MBD5: variants seen among roughly 807,000 people sequenced by gnomAD.
MBD5 encodes the protein methyl-CpG binding domain protein 5, also known as methyl-CpG-binding domain protein 5.
Under a neutral mutation model 117.3 loss-of-function variants are expected in MBD5, and 13 were observed. The ratio of observed to expected loss-of-function variants is 0.11; its 90% CI spans 0.07 to 0.18. MBD5 has a LOEUF of 0.18. MBD5 is among the 10% of genes least tolerant of loss of function. The pLI is 1.00. For missense variants in MBD5, 1,879 were observed against 2,093.8 expected (o/e 0.90, Z 2.00); for synonymous variants, 727 against 766.4 (o/e 0.95, Z 0.85).
chr2:148,152,568 G>A (rs1697711520), intron 1 of MBD5, among the ~76,000 whole-genome samples: 1 of 152,012 alleles, frequency 6.6e-6, no homozygotes, highest in South Asian at 2.1e-4. Flanking sequence ...TAATGTGTGG[G>A]AGTCTAAGTC....
chr2:148,090,058 C>T (rs1404284025), intron 1 of MBD5, among the ~76,000 whole-genome samples: 3 of 151,940 alleles, frequency 2.0e-5, no homozygotes, highest in Non-Finnish European at 4.4e-5. Flanking sequence ...CTATGAACAC[C>T]TTTACACGCA....
chr2:148,394,176 C>T (rs1477649402), intron 4 of MBD5, among the ~76,000 whole-genome samples: 1 of 152,050 alleles, frequency 6.6e-6, no homozygotes, highest in Non-Finnish European at 1.5e-5. Flanking sequence ...GTATTATTTT[C>T]ACCTTATGTT....
rs1559033197 is a variant in MBD5 at position 148,345,478 on chromosome 2, CATATACATATGTATATACACAT to C, written c.-557+3144_-557+3165del. 5.2e-4 allele frequency among the ~76,000 whole-genome samples: 42 copies of C among 80,864 alleles called. 3 individuals are homozygous for C. Among genetic ancestry groups the C allele is most frequent in the African/African-American group, 1.6e-3 (32 of 20,022 alleles). 53.0% of individuals were successfully genotyped at this position (80,864 alleles called of 152,430 possible). On this transcript the variant is annotated intron_variant, in intron 4 of 13. Transcript: ENST00000642680. The stretch of plus-strand genomic sequence containing the variant: ...ACATATACATATGTATATACACATA[CATATACATATGTATATACACAT>C]ACATATACATATGTATATACACATA...
Position 148,444,506 on chromosome 2 carries a change from C to A in MBD5, c.-556-13697C>A, listed in dbSNP as rs73019217. 4.8e-3 allele frequency among the ~76,000 whole-genome samples: 719 copies of A among 151,170 alleles called. 40 individuals carry two copies. Among genetic ancestry groups the A allele is most frequent in the African/African-American group, 0.017 (676 of 40,692 alleles). On this transcript the variant is annotated intron_variant, in intron 4 of 13. Coordinates refer to ENST00000642680, the MANE Select transcript of MBD5 (RefSeq NM_001378120.1). ...TTAAAAAGTCTGACAAAATGAGACCCCTATGTTTGTTTACCACCTAAAAAT... is the reference window on the plus strand; with the variant it reads ...TTAAAAAGTCTGACAAAATGAGACCACTATGTTTGTTTACCACCTAAAAAT...
chr2:148,363,034 A>T (rs1195383242), intron 4 of MBD5, among the ~76,000 whole-genome samples: 1 of 152,186 alleles, frequency 6.6e-6, no homozygotes, highest in Non-Finnish European at 1.5e-5. Context: ...ATGAGGAAAA[A>T]ACAGTGCAAA....
At chr2:148,217,942 T>C (rs567479093) in intron 2 of MBD5, among the ~76,000 whole-genome samples, 1 of 152,250 alleles carries the variant, frequency 6.6e-6, no homozygotes, top group East Asian at 1.9e-4. Flanking sequence ...TCCAAACCTC[T>C]TAAAACTCCC....
At chr2:148,219,977 G>C (rs1699645309) in intron 2 of MBD5, 2 of 152,186 alleles carry the variant, frequency 1.3e-5, no homozygotes, top group Admixed American at 1.3e-4. Flanking sequence ...GGCGAGATAT[G>C]TAAGTCAAAG....
intron 1 of MBD5, among the ~76,000 whole-genome samples, chr2:148,083,848 G>C (rs1424332310): frequency 6.6e-6 from 1 of 151,966 alleles, no homozygotes; most frequent in African/African-American, 2.4e-5. Context: ...GAATGCTGTC[G>C]ATCTCCTGAC....
chr2:148,134,656 G>A (rs797006705), intron 1 of MBD5, among the ~76,000 whole-genome samples: 9 of 151,930 alleles, frequency 5.9e-5, no homozygotes, highest in South Asian at 2.1e-4. Context: ...TTTCTCCACC[G>A]TCTTCTAACT....
chr2:148,469,547 C>T lies in MBD5; in HGVS notation c.1604C>T (p.Thr535Ile). The change falls in exon 8 of 14, where the codon ACC becomes ATC. Residue 535 changes from threonine (T) to isoleucine (I), a missense_variant. By Grantham distance (89) the Thr-to-Ile change is moderately conservative. Coordinates refer to ENST00000642680, the MANE Select transcript of MBD5 (RefSeq NM_001378120.1). ...LIAGISNVLN[T>I]PSSAAFPTAS... ...GCTGGAATAAGTAATGTACTAAATA[C>T]CCCAAGCAGTGCAGCTTTTCCTACT... 1 of 1,613,814 alleles carries T rather than the reference C, an allele frequency of 6.2e-7. No homozygotes were observed. The highest frequency in any genetic ancestry group is 1.3e-5 in the African/African-American group (1 of 75,028).
At chr2:148,311,704 G>A (rs1157588784) in intron 3 of MBD5, among the ~76,000 whole-genome samples, 2 of 152,108 alleles carry the variant, frequency 1.3e-5, no homozygotes, top group Non-Finnish European at 2.9e-5. Flanking sequence ...ATGCTGGCTG[G>A]TTATTTTGCC....
At chr2:148,335,617 G>T (rs1702766500) in intron 3 of MBD5, among the ~76,000 whole-genome samples, 1 of 152,074 alleles carries the variant, frequency 6.6e-6, no homozygotes, top group Non-Finnish European at 1.5e-5. Flanking sequence ...CTACTCAGGA[G>T]CCTGAAGTGG....
chr2:148,496,068 TTC>T (rs1681693409), intron 11 of MBD5, among the ~76,000 whole-genome samples: 1 of 152,256 alleles, frequency 6.6e-6, no homozygotes. Context: ...GGTACTATAA[TTC>T]TCTGTTGAGA....
chr2:148,383,222 G>A (rs536165400), intron 4 of MBD5, among the ~76,000 whole-genome samples: 3 of 146,546 alleles, frequency 2.0e-5, no homozygotes, highest in South Asian at 4.3e-4. Context: ...GACTAATAAA[G>A]AAGAAGAGAG....
At chr2:148,446,808 G>A (rs1014498247) in intron 4 of MBD5, among the ~76,000 whole-genome samples, 2 of 152,012 alleles carry the variant, frequency 1.3e-5, no homozygotes, top group Non-Finnish European at 2.9e-5. Context: ...TTGTCACACA[G>A]AATATGGTAA....
intron 4 of MBD5, among the ~76,000 whole-genome samples, chr2:148,398,898 A>G (rs1393354265): frequency 3.3e-5 from 5 of 152,150 alleles, no homozygotes; most frequent in Non-Finnish European, 7.4e-5. Flanking sequence ...AGCACCATTT[A>G]TTAAATAGGG....
chr2:148,243,142 AC>A (rs368724510), intron 3 of MBD5, among the ~76,000 whole-genome samples: 2,500 of 118,322 alleles, frequency 0.021, 37 homozygotes, highest in African/African-American at 0.044. Flanking sequence ...AAAAAAAAAA[AC>A]TGCTCAGTAA....
rs1163532481 is a variant in MBD5, at chr2:148,470,491, A to G, written c.2518+30A>G. ...GGTTTTATTAGAAAAAAGTACCCAA[A>G]GGTACTAAACTTTTCTACTTTTTTA... On this transcript the variant is annotated intron_variant, in intron 8 of 13. Transcript: ENST00000642680. The G allele has an allele frequency of 2.6e-6, 4 of 1,540,416 alleles. No individual in the cohort carries two copies. In the African/African-American group the frequency reaches 5.5e-5, roughly 21 times the overall value.
chr2:148,460,016 T>G (rs979428610), intron 5 of MBD5, among the ~76,000 whole-genome samples: 1 of 152,152 alleles, frequency 6.6e-6, no homozygotes, highest in African/African-American at 2.4e-5. Context: ...ATGAGATAAC[T>G]TCTTCAGAGT....
Sources: gnomAD v4.1 joint callset for allele counts (sites outside exome capture counted in the v4.1 genomes callset) on GRCh38, gnomAD v4.1.1 for gene constraint, MANE v1.5 for transcripts, NCBI Gene and HGNC (gene_info 2026-07-23, HGNC 2026-07-21) for gene names.